Variants in CREB5 observed in about 807,000 individuals in gnomAD.
The protein encoded by CREB5 is cAMP responsive element binding protein 5, also known as cyclic AMP-responsive element-binding protein 5.
Under a neutral mutation model 57.1 loss-of-function variants are expected in CREB5, and 19 were observed. That is an observed-to-expected ratio of 0.33 (90% CI 0.23 to 0.49). The LOEUF (loss-of-function observed/expected upper bound fraction) is 0.49. CREB5 is among the 20% of genes least tolerant of loss of function. The pLI, the probability that CREB5 is intolerant of heterozygous loss-of-function variation, is 0.99. For missense variants in CREB5, 579 were observed against 671.6 expected, an observed-to-expected ratio of 0.86 and a Z score of 1.52; for synonymous variants, 238 against 238.3, an observed-to-expected ratio of 1.00 and a Z score of 0.01.
At chr7:28,321,765 C>T (rs1583670836) in intron 1 of CREB5, among the ~76,000 whole-genome samples, 1 of 152,172 alleles carries the variant, frequency 6.6e-6, no homozygotes, top group East Asian at 1.9e-4. Context: ...CTGGACTTCA[C>T]TTAGGAGAAA....
intron 5 of CREB5, among the ~76,000 whole-genome samples, chr7:28,650,918 T>C (rs756617989): frequency 3.9e-5 from 6 of 152,168 alleles, no homozygotes; most frequent in Non-Finnish European, 8.8e-5. Context: ...CACATAAAGA[T>C]GGCAGGGGTC....
chr7:28,533,329 C>G (rs1378097076), intron 4 of CREB5, among the ~76,000 whole-genome samples: 2 of 152,116 alleles, frequency 1.3e-5, no homozygotes, highest in Non-Finnish European at 2.9e-5. Flanking sequence ...ACATCATAAA[C>G]TTTAGGGAAA....
At chr7:28,467,643 G>A (rs772148213) in intron 1 of CREB5, among the ~76,000 whole-genome samples, 1 of 152,122 alleles carries the variant, frequency 6.6e-6, no homozygotes, top group Non-Finnish European at 1.5e-5. Context: ...GTTGTGTGGC[G>A]ATAGGAGGTG....
At chr7:28,390,542 G>A (rs1298091349) in intron 1 of CREB5, among the ~76,000 whole-genome samples, 1 of 152,160 alleles carries the variant, frequency 6.6e-6, no homozygotes, top group South Asian at 2.1e-4. Context: ...GATACTGACA[G>A]AAACTTCTCC....
At chr7:28,430,405 A>G (rs1202381715) in intron 1 of CREB5, among the ~76,000 whole-genome samples, 1 of 152,164 alleles carries the variant, frequency 6.6e-6, no homozygotes, top group African/African-American at 2.4e-5. Context: ...ATGAGTCTCA[A>G]TCTCTTCTTC....
chr7:28,516,114 T>C (rs947792049), intron 4 of CREB5, among the ~76,000 whole-genome samples: 7 of 152,074 alleles, frequency 4.6e-5, no homozygotes, highest in Non-Finnish European at 8.8e-5. Flanking sequence ...CTTGGGAGGC[T>C]GAGGCAGGAG....
intron 4 of CREB5, among the ~76,000 whole-genome samples, chr7:28,549,360 GCA>G (rs1433093274): frequency 6.6e-6 from 1 of 152,134 alleles, no homozygotes; most frequent in African/African-American, 2.4e-5. Context: ...GCATCCTGGA[GCA>G]CACAGTTTGG....
At chr7:28,419,366 TGTTTAA>T (rs1788146670) in intron 1 of CREB5, among the ~76,000 whole-genome samples, 1 of 152,240 alleles carries the variant, frequency 6.6e-6, no homozygotes, top group Non-Finnish European at 1.5e-5. Flanking sequence ...GAGCCATCTG[TGTTTAA>T]GTATTTGGTT....
At chr7:28,786,550 T>C (rs1298339227) in intron 7 of CREB5, among the ~76,000 whole-genome samples, 3 of 148,926 alleles carry the variant, frequency 2.0e-5, no homozygotes, top group African/African-American at 2.4e-5. Context: ...GCCAGGCCTA[T>C]GGCCTACCTA....
chr7:28,538,146 C>T (rs1290988718), intron 4 of CREB5, among the ~76,000 whole-genome samples: 6 of 152,124 alleles, frequency 3.9e-5, no homozygotes, highest in East Asian at 1.9e-4. Context: ...CTCTGTCTCC[C>T]GGGTCCAAGT....
intron 5 of CREB5, among the ~76,000 whole-genome samples, chr7:28,640,009 C>G (rs1178065233): frequency 6.6e-6 from 1 of 152,166 alleles, no homozygotes; most frequent in Non-Finnish European, 1.5e-5. Flanking sequence ...ATTCCCATGC[C>G]TCTTCACTCT....
At chr7:28,386,858 G>A (rs1787113855) in intron 1 of CREB5, among the ~76,000 whole-genome samples, 1 of 152,116 alleles carries the variant, frequency 6.6e-6, no homozygotes, top group Non-Finnish European at 1.5e-5. Flanking sequence ...TTAGTTTGCT[G>A]AGGACAATGG....
At chr7:28,508,905 G>A (rs536192826) in intron 4 of CREB5, among the ~76,000 whole-genome samples, 7 of 152,104 alleles carry the variant, frequency 4.6e-5, no homozygotes, top group Admixed American at 3.9e-4. Flanking sequence ...AAATAATAAG[G>A]TTCTGAGCAC....
intron 5 of CREB5, among the ~76,000 whole-genome samples, chr7:28,674,810 T>C (rs41344): frequency 0.17 from 25,614 of 152,232 alleles, 3,236 homozygotes; most frequent in African/African-American, 0.35. Context: ...TAATGCAATT[T>C]TCTTAAAATA....
intron 5 of CREB5, among the ~76,000 whole-genome samples, chr7:28,702,409 A>G (rs1801907235): frequency 6.6e-6 from 1 of 152,218 alleles, no homozygotes; most frequent in African/African-American, 2.4e-5. Flanking sequence ...GCTTGTCAAG[A>G]GAAATAGCCT....
At position 28,821,686 on chromosome 7, in the gene CREB5, T is replaced by C. The variant is rs572721654; in HGVS notation, c.*2407T>C. 6.6e-6 allele frequency: 1 copy of C among 152,340 alleles called. No homozygotes were observed. The highest frequency in any genetic ancestry group is 2.1e-4 in the South Asian group (1 of 4,834). The allele number at this position is 152,340 out of a possible 1,614,324, so 9.4% of individuals were successfully genotyped here. On this transcript the variant is annotated 3_prime_UTR_variant, in exon 11 of 11. Coordinates refer to ENST00000357727, the MANE Select transcript of CREB5 (RefSeq NM_182898.4). ...AAAAAGAAGTTAACATTCATATCTC[T>C]GTTTTGAAATCAAAAATCATATTTC...
chr7:28,362,367 A>G (rs1442586014), intron 1 of CREB5, among the ~76,000 whole-genome samples: 5 of 152,170 alleles, frequency 3.3e-5, no homozygotes, highest in Admixed American at 6.5e-5. Flanking sequence ...GAAAAATCTG[A>G]TAAGCTTCAC....
intron 7 of CREB5, among the ~76,000 whole-genome samples, chr7:28,797,893 A>G (rs1012105718): frequency 1.3e-5 from 2 of 152,212 alleles, no homozygotes; most frequent in South Asian, 2.1e-4. Context: ...TTTGGTCTCA[A>G]ACCACTGACT....
intron 5 of CREB5, among the ~76,000 whole-genome samples, chr7:28,588,542 TAAG>T (rs1414008924): frequency 1.3e-5 from 2 of 152,226 alleles, no homozygotes; most frequent in Non-Finnish European, 2.9e-5. Flanking sequence ...ATAGGTAAGA[TAAG>T]TAGTTGCAAA....
Sources: allele counts gnomAD v4.1 joint callset (sites outside exome capture counted in the v4.1 genomes callset), GRCh38; gene constraint gnomAD v4.1.1; transcripts MANE v1.5; gene names NCBI Gene and HGNC (gene_info 2026-07-23, HGNC 2026-07-21).